The following PCDHGA10 variants were observed in gnomAD, a reference collection of about 807,000 sequenced individuals.
PCDHGA10 encodes protocadherin gamma-A10.
Under a neutral mutation model 59.5 loss-of-function variants are expected in PCDHGA10, and 42 were observed. That is an observed-to-expected ratio of 0.71 (90% CI 0.55 to 0.91). PCDHGA10 has a LOEUF of 0.91. Among genes scored for constraint, PCDHGA10 ranks in the 40% least tolerant of loss-of-function variants. The pLI is 0.00. For synonymous variants in PCDHGA10, 511 were observed against 517.2 expected (o/e 0.99, Z 0.16); for missense variants, 1,111 against 1,198.2 (o/e 0.93, Z 1.07).
In PCDHGA10 at chr5:141,511,007, G is replaced by C. The variant is rs780918754; in HGVS notation, c.2645G>C (p.Arg882Pro). Residue 882 changes from arginine to proline, a missense_variant, in exon 4 of 4, where the codon CGC (arginine) becomes CCC (proline). Physicochemically the swap from Arg to Pro is moderately radical, Grantham distance 103. Coordinates refer to ENST00000398610, the MANE Select transcript of PCDHGA10 (RefSeq NM_018913.3). Reference protein sequence around the residue: ...GGAGTMGLSARYGPQFTLQHV... With the variant: ...GGAGTMGLSAPYGPQFTLQHV... ...GCCGGCACCATGGGATTGAGCGCCC[G>C]CTACGGACCCCAGTTCACCCTGCAG... The C allele has an allele frequency of 1.9e-6, 3 of 1,614,042 alleles. No homozygotes were observed. The highest frequency in any genetic ancestry group is 2.7e-5 in the African/African-American group (2 of 74,910).
intron 1 of PCDHGA10, among the ~76,000 whole-genome samples, chr5:141,435,445 C>T (rs190910353): frequency 3.9e-5 from 6 of 152,224 alleles, no homozygotes; most frequent in Middle Eastern, 3.4e-3. Flanking sequence ...TTCATTAATA[C>T]GATATCTGTA....
chr5:141,420,076 T>TC, intron 1 of PCDHGA10: 1 of 1,613,956 alleles, frequency 6.2e-7, no homozygotes, highest in Non-Finnish European at 8.5e-7. Context: ...GACCTGTGGG[T>TC]CCCCCCAACT....
chr5:141,491,800 C>T lies in PCDHGA10; in HGVS notation c.2437-3007C>T. The T allele has an allele frequency of 6.7e-7, 1 of 1,500,854 alleles. No individual in the cohort carries two copies. Among genetic ancestry groups the T allele is most frequent in the Non-Finnish European group, 8.9e-7 (1 of 1,125,316 alleles). 93.0% of individuals were successfully genotyped at this position (1,500,854 alleles called of 1,614,324 possible). A position where few individuals can be genotyped will look rare whatever the true frequency, so the allele number is the denominator to read the frequency against. Reference sequence around the variant, plus strand: ...GAACTTGCATCCACTCCTCTCCGGCCGGCTTGGTCGCTGGCTGCGCTCCAC... The same window carrying T: ...GAACTTGCATCCACTCCTCTCCGGCTGGCTTGGTCGCTGGCTGCGCTCCAC... On this transcript the variant is annotated intron_variant, in intron 1 of 3. Transcript: ENST00000398610. The surrounding 1 kb of genome is among the most constrained non-coding windows in gnomAD (Gnocchi z 6.9).
intron 1 of PCDHGA10, among the ~76,000 whole-genome samples, chr5:141,462,331 T>C (rs909948238): frequency 6.6e-6 from 1 of 152,244 alleles, no homozygotes; most frequent in African/African-American, 2.4e-5. Context: ...TCTAATTTAA[T>C]TGTATTGTGA....
intron 1 of PCDHGA10, among the ~76,000 whole-genome samples, chr5:141,458,909 T>G (rs548847649): frequency 6.6e-6 from 1 of 152,192 alleles, no homozygotes; most frequent in African/African-American, 2.4e-5. Context: ...TTTTTTCTAT[T>G]TTTTGTGGAG....
chr5:141,433,115 G>T, intron 1 of PCDHGA10: 1 of 1,613,762 alleles, frequency 6.2e-7, no homozygotes, highest in Non-Finnish European at 8.5e-7. Context: ...GGAGAGCTTT[G>T]AAAAAAGCGA....
chr5:141,460,961 ATG>A (rs35821115), intron 1 of PCDHGA10, among the ~76,000 whole-genome samples: 22,194 of 144,260 alleles, frequency 0.15, 1,877 homozygotes, highest in South Asian at 0.27. Context: ...GTATATATAT[ATG>A]TGTGTGTGTG....
chr5:141,500,232 G>A (rs1024752888), intron 2 of PCDHGA10, among the ~76,000 whole-genome samples: 1 of 137,690 alleles, frequency 7.3e-6, no homozygotes, highest in South Asian at 2.3e-4. Flanking sequence ...TTATTGATAC[G>A]TAGCCTTGCT....
At position 141,414,787 on chromosome 5, in the gene PCDHGA10, G is replaced by C. The variant is rs372484037; in HGVS notation, c.1612G>C (p.Ala538Pro). ...QFHELQMQVT[A>P]SDSGDPPLSS... ...TCATGAGCTACAGATGCAGGTGACA[G>C]CCAGCGACAGCGGGGATCCTCCACT... Residue 538 changes from alanine to proline, a missense_variant, in exon 1 of 4, where the codon GCC becomes CCC. Coordinates refer to ENST00000398610, the MANE Select transcript of PCDHGA10 (RefSeq NM_018913.3). 12 of 1,614,230 alleles carry C rather than the reference G, an allele frequency of 7.4e-6. No homozygotes were observed. The highest frequency in any genetic ancestry group is 2.2e-5 in the East Asian group (1 of 44,874).
chr5:141,420,975 G>A, intron 1 of PCDHGA10: 2 of 458,946 alleles, frequency 4.4e-6, no homozygotes, highest in South Asian at 4.2e-5. Context: ...TAATAAGAAT[G>A]GGCTCTAGGC....
In PCDHGA10 at chr5:141,431,253, ACT is replaced by A. The variant is rs757246289; in HGVS notation, c.2436+15647_2436+15648del. On this transcript the variant is annotated intron_variant, in intron 1 of 3. Coordinates refer to ENST00000398610, the MANE Select transcript of PCDHGA10 (RefSeq NM_018913.3). This position sits in a 1 kb window ranked among gnomAD's most constrained non-coding sequence, Gnocchi z 4.8. ...GCCTGGGATCCGGATATCGGGAAGA[ACT>A]CTCTGCAGAGCTACGAGCTCAGCCC... 2.2e-5 allele frequency: 35 copies of A among 1,614,014 alleles called. No individual in the cohort carries two copies. In the South Asian group the frequency reaches 3.1e-4, roughly 14 times the overall value.
chr5:141,509,199 GTCTC>G (rs1017134758), intron 3 of PCDHGA10, among the ~76,000 whole-genome samples: 4 of 152,070 alleles, frequency 2.6e-5, no homozygotes, highest in Admixed American at 2.0e-4. Context: ...AATATTTCCT[GTCTC>G]TCTATTTCTC....
Position 141,432,951 on chromosome 5 carries a change from G to T in PCDHGA10, c.2436+17340G>T, listed in dbSNP as rs758046420. 1.2e-6 allele frequency: 2 copies of T among 1,614,178 alleles called. No individual in the cohort carries two copies. The highest frequency in any genetic ancestry group is 4.5e-5 in the East Asian group (2 of 44,858). On this transcript the variant is annotated intron_variant, in intron 1 of 3. Coordinates refer to ENST00000398610, the MANE Select transcript of PCDHGA10 (RefSeq NM_018913.3). This position sits in a 1 kb window ranked among gnomAD's most constrained non-coding sequence, Gnocchi z 6.0. ...CGCCTGCTGCAGGCTTCAGGAGGCGGCTTGACAGGAGCGCCGGCGTCGCAC... is the reference window on the plus strand; with the variant it reads ...CGCCTGCTGCAGGCTTCAGGAGGCGTCTTGACAGGAGCGCCGGCGTCGCAC...
intron 1 of PCDHGA10, among the ~76,000 whole-genome samples, chr5:141,474,142 T>G (rs2099344082): frequency 6.6e-6 from 1 of 152,212 alleles, no homozygotes; most frequent in African/African-American, 2.4e-5. Flanking sequence ...ACAGGCCTTA[T>G]TATCAAGAAA....
chr5:141,424,408 T>G (rs942542788), intron 1 of PCDHGA10: 1 of 152,224 alleles, frequency 6.6e-6, no homozygotes, highest in Non-Finnish European at 1.5e-5. Flanking sequence ...TATGGTGAAG[T>G]TACATTGACT....
intron 1 of PCDHGA10, among the ~76,000 whole-genome samples, chr5:141,456,287 C>T (rs951430060): frequency 1.3e-5 from 2 of 152,048 alleles, no homozygotes; most frequent in Non-Finnish European, 2.9e-5. Flanking sequence ...TGAAAAGGGG[C>T]GTCTAATGGA....
At chr5:141,464,264 A>G (rs1357786078) in intron 1 of PCDHGA10, among the ~76,000 whole-genome samples, 2 of 130,598 alleles carry the variant, frequency 1.5e-5, no homozygotes, top group East Asian at 4.2e-4. Flanking sequence ...GACTCCGTCT[A>G]AAAAAAAAAA....
rs539620413 is a variant in PCDHGA10, at chr5:141,488,489, G to GT, written c.2437-6317dup. Among the ~76,000 whole-genome samples the GT allele has an allele frequency of 1.6e-4, 25 of 152,268 alleles. No homozygotes were observed. In the South Asian group the frequency reaches 4.6e-3, roughly 28 times the overall value. On this transcript the variant is annotated intron_variant, in intron 1 of 3. Transcript: ENST00000398610. ...AGAAATGTTCCCCTACCCAAAAACT[G>GT]TAACACTCATTCCACATTTGGGGTC...
rs1028054307 is a variant in PCDHGA10 at position 141,417,708 on chromosome 5, G to A, written c.2436+2097G>A. The A allele has an allele frequency of 2.4e-5, 29 of 1,227,762 alleles. No homozygotes were observed. In the South Asian group the frequency reaches 2.9e-4, roughly 12 times the overall value. 76.1% of individuals were successfully genotyped at this position (1,227,762 alleles called of 1,614,324 possible). On this transcript the variant is annotated intron_variant, in intron 1 of 3. Transcript: ENST00000398610. ...AAAGAAAACCAGCTCCCACACAGAG[G>A]CTCCCGGCTGCGCAGACCTTGCCCA... is the stretch of plus-strand genomic sequence containing the variant.
Sources: allele counts gnomAD v4.1 joint callset (sites outside exome capture counted in the v4.1 genomes callset), GRCh38; gene constraint gnomAD v4.1.1; non-coding constraint Gnocchi (gnomAD v3.1); transcripts MANE v1.5; gene names NCBI Gene and HGNC (gene_info 2026-07-23, HGNC 2026-07-21).